EXT1: variants seen among roughly 807,000 people sequenced by gnomAD.
EXT1 encodes the protein exostosin-1.
Under a neutral mutation model 82.5 loss-of-function variants are expected in EXT1, and 20 were observed. The ratio of observed to expected loss-of-function variants is 0.24; its 90% CI spans 0.17 to 0.35. The LOEUF (loss-of-function observed/expected upper bound fraction) is 0.35. EXT1 is among the 10% of genes least tolerant of loss of function. The pLI is 1.00. For missense variants in EXT1, 757 were observed against 936.5 expected (o/e 0.81, Z 2.50); for synonymous variants, 348 against 350.8 (o/e 0.99, Z 0.09).
intron 1 of EXT1, among the ~76,000 whole-genome samples, chr8:118,064,600 C>T (rs1036198893): frequency 1.3e-5 from 2 of 152,114 alleles, no homozygotes; most frequent in Non-Finnish European, 2.9e-5. Flanking sequence ...TGGGTTGGTT[C>T]CAAGTCTTTG....
At chr8:118,028,672 G>A (rs1250667642) in intron 1 of EXT1, among the ~76,000 whole-genome samples, 6 of 152,038 alleles carry the variant, frequency 3.9e-5, no homozygotes, top group African/African-American at 1.4e-4. Context: ...GCTCATGCCT[G>A]TAATCCCAGC....
intron 1 of EXT1, among the ~76,000 whole-genome samples, chr8:117,863,955 C>T (rs1211282849): frequency 1.3e-5 from 2 of 152,134 alleles, no homozygotes; most frequent in Non-Finnish European, 1.5e-5. Context: ...TTACATGTTG[C>T]AGAAAAGGTT....
chr8:117,799,754 G>T lies in EXT1; in HGVS notation c.2199C>A (p.Val733=). ...CTCGGTATTTCTTCCTCAAAATAGA[G>T]ACCTGGTCTTTAAAGAGGACGGGGT... ...RLDPVLFKDQ[V]SILRKKYRDI... is the part of the protein sequence containing the mutation. The change falls in exon 11 of 11, where the codon GTC becomes GTA. Residue 733 remains valine (V), a synonymous_variant. Transcript: ENST00000378204. 1 of 1,614,114 alleles carries T rather than the reference G, an allele frequency of 6.2e-7. No individual in the cohort carries two copies. The highest frequency in any genetic ancestry group is 8.5e-7 in the Non-Finnish European group (1 of 1,180,022).
chr8:117,979,929 C>G (rs1815151208), intron 1 of EXT1, among the ~76,000 whole-genome samples: 1 of 152,136 alleles, frequency 6.6e-6, no homozygotes, highest in Non-Finnish European at 1.5e-5. Flanking sequence ...CCCAGAGCAC[C>G]ATGGGTTACT....
At chr8:118,021,233 G>T (rs1816098359) in intron 1 of EXT1, among the ~76,000 whole-genome samples, 1 of 152,148 alleles carries the variant, frequency 6.6e-6, no homozygotes, top group Admixed American at 6.5e-5. Flanking sequence ...TTTTCATATG[G>T]CAGACAGTTG....
chr8:117,978,480 G>T (rs1815114548), intron 1 of EXT1, among the ~76,000 whole-genome samples: 1 of 151,624 alleles, frequency 6.6e-6, no homozygotes, highest in Admixed American at 6.6e-5. Flanking sequence ...CTTCTTATCT[G>T]AACTTTTCTC....
intron 1 of EXT1, among the ~76,000 whole-genome samples, chr8:118,095,325 T>A (rs1455442061): frequency 6.6e-6 from 1 of 152,216 alleles, no homozygotes; most frequent in Non-Finnish European, 1.5e-5. Context: ...AGCATTGAGG[T>A]ACTTAAATTT....
intron 1 of EXT1, among the ~76,000 whole-genome samples, chr8:117,987,197 C>T (rs957796995): frequency 2.0e-5 from 3 of 152,178 alleles, no homozygotes; most frequent in Non-Finnish European, 2.9e-5. Flanking sequence ...GTACTATGAA[C>T]GGAATGATTG....
chr8:117,802,168 A>AT (rs574673554), intron 10 of EXT1, among the ~76,000 whole-genome samples: 3 of 152,214 alleles, frequency 2.0e-5, no homozygotes, highest in Non-Finnish European at 2.9e-5. Flanking sequence ...TTAAATTTAG[A>AT]TTTTTTTGTT....
intron 3 of EXT1, among the ~76,000 whole-genome samples, chr8:117,833,426 C>T (rs189644699): frequency 1.1e-4 from 16 of 152,150 alleles, no homozygotes; most frequent in Admixed American, 1.0e-3. Context: ...ACCAGCCTGG[C>T]CAACATGGTG....
chr8:118,005,713 T>G (rs1330873533), intron 1 of EXT1, among the ~76,000 whole-genome samples: 1 of 152,172 alleles, frequency 6.6e-6, no homozygotes, highest in African/African-American at 2.4e-5. Flanking sequence ...TAATTGGCCC[T>G]CTCTGTACTT....
intron 7 of EXT1, among the ~76,000 whole-genome samples, 183 bp downstream of exon 7, chr8:117,818,252 C>G (rs959516117): frequency 1.3e-5 from 2 of 152,166 alleles, no homozygotes; most frequent in Non-Finnish European, 2.9e-5. Context: ...GGTATCAAGA[C>G]CCAGATTTCC....
intron 9 of EXT1, among the ~76,000 whole-genome samples, chr8:117,805,606 C>A (rs1823225335): frequency 6.6e-6 from 1 of 152,108 alleles, no homozygotes; most frequent in Non-Finnish European, 1.5e-5. Flanking sequence ...GCAATAGGAA[C>A]AATGAACTTT....
At chr8:118,034,613 G>T (rs1816386917) in intron 1 of EXT1, among the ~76,000 whole-genome samples, 1 of 151,872 alleles carries the variant, frequency 6.6e-6, no homozygotes, top group Non-Finnish European at 1.5e-5. Context: ...CACATCTGAA[G>T]TCACAGAGCT....
chr8:118,025,820 G>C (rs1326575398), intron 1 of EXT1, among the ~76,000 whole-genome samples: 1 of 152,012 alleles, frequency 6.6e-6, no homozygotes, highest in African/African-American at 2.4e-5. Context: ...CATGTCAGCT[G>C]ATAGTGAGAA....
At chr8:118,062,842 G>T (rs1278159012) in intron 1 of EXT1, among the ~76,000 whole-genome samples, 2 of 152,118 alleles carry the variant, frequency 1.3e-5, no homozygotes, top group African/African-American at 4.8e-5. Flanking sequence ...CCAAAAACAA[G>T]ACTATATAAT....
chr8:117,931,146 T>TC (rs1814053570), intron 1 of EXT1, among the ~76,000 whole-genome samples: 1 of 152,202 alleles, frequency 6.6e-6, no homozygotes, highest in African/African-American at 2.4e-5. Context: ...TCAACAGTCC[T>TC]CGGGGCTGCC....
intron 1 of EXT1, among the ~76,000 whole-genome samples, chr8:118,058,616 CAA>C (rs1032577088): frequency 2.0e-5 from 3 of 151,868 alleles, no homozygotes; most frequent in South Asian, 2.1e-4. Flanking sequence ...AATTTTTTTT[CAA>C]AAGAGGATTA....
intron 1 of EXT1, among the ~76,000 whole-genome samples, chr8:118,083,280 G>A (rs553924060): frequency 6.6e-6 from 1 of 152,158 alleles, no homozygotes; most frequent in Admixed American, 6.5e-5. Flanking sequence ...CAATGCCTGA[G>A]TGAATAATCT....
Sources: gnomAD v4.1 joint callset for allele counts (sites outside exome capture counted in the v4.1 genomes callset) on GRCh38, gnomAD v4.1.1 for gene constraint, MANE v1.5 for transcripts, NCBI Gene and HGNC (gene_info 2026-07-23, HGNC 2026-07-21) for gene names.